ROCK1: variants seen among roughly 807,000 people sequenced by gnomAD.
The protein encoded by ROCK1 is rho-associated protein kinase 1.
Under a neutral mutation model 196.8 loss-of-function variants are expected in ROCK1, and 36 were observed. That is an observed-to-expected ratio of 0.18 (90% CI 0.14 to 0.24). The LOEUF (loss-of-function observed/expected upper bound fraction) is 0.24, where lower values mean the gene tolerates loss of function less well. Among genes scored for constraint, ROCK1 ranks in the 10% least tolerant of loss-of-function variants. The pLI, the probability that ROCK1 is intolerant of heterozygous loss-of-function variation, is 1.00. For synonymous variants in ROCK1, 443 were observed against 515.9 expected, an observed-to-expected ratio of 0.86 and a Z score of 1.91; for missense variants, 920 against 1,562.0, an observed-to-expected ratio of 0.59 and a Z score of 6.93.
At chr18:21,025,589 T>C (rs1242064192) in intron 10 of ROCK1, among the ~76,000 whole-genome samples, 1 of 152,036 alleles carries the variant, frequency 6.6e-6, no homozygotes, top group Non-Finnish European at 1.5e-5. Context: ...ATACAAAGAT[T>C]AGCCAGGCAT....
At chr18:21,020,798 A>AT (rs2143463839) in intron 11 of ROCK1, among the ~76,000 whole-genome samples, 1 of 152,362 alleles carries the variant, frequency 6.6e-6, no homozygotes, top group Non-Finnish European at 1.5e-5. Context: ...ATGGAAAGAA[A>AT]TCAAGTACTA....
chr18:20,983,201 AAG>A (rs2035548864), intron 20 of ROCK1, among the ~76,000 whole-genome samples: 2 of 151,196 alleles, frequency 1.3e-5, no homozygotes, highest in South Asian at 2.1e-4. Context: ...TAAATAAAAA[AAG>A]AGGGGGGCAT....
chr18:21,028,529 T>C (rs1322925224), intron 10 of ROCK1, among the ~76,000 whole-genome samples: 5 of 152,166 alleles, frequency 3.3e-5, no homozygotes, highest in Non-Finnish European at 7.4e-5. Flanking sequence ...TTTTGACCTA[T>C]TAATTGTTGT....
intron 29 of ROCK1, among the ~76,000 whole-genome samples, chr18:20,958,923 A>T (rs1182554565): frequency 1.4e-4 from 10 of 72,384 alleles, no homozygotes; most frequent in East Asian, 4.5e-4. Flanking sequence ...TATATATTTT[A>T]TATATATATT....
chr18:21,015,934 CA>C (rs1326948731), intron 12 of ROCK1, among the ~76,000 whole-genome samples: 1 of 151,010 alleles, frequency 6.6e-6, no homozygotes, highest in African/African-American at 2.4e-5. Flanking sequence ...GAGCCGAGAT[CA>C]TGCTACTGTA....
At chr18:20,961,361 A>C (rs1229438806) in intron 27 of ROCK1, among the ~76,000 whole-genome samples, 1 of 152,184 alleles carries the variant, frequency 6.6e-6, no homozygotes, top group East Asian at 1.9e-4. Context: ...TTACTGATTT[A>C]TTTATTCATA....
At chr18:20,974,910 C>T (rs1395735683) in intron 22 of ROCK1, among the ~76,000 whole-genome samples, 1 of 152,224 alleles carries the variant, frequency 6.6e-6, no homozygotes, top group Non-Finnish European at 1.5e-5. Context: ...AAAGTGCTCT[C>T]CTTCACACTC....
chr18:21,094,279 G>A (rs1190292379), intron 1 of ROCK1, among the ~76,000 whole-genome samples: 1 of 152,116 alleles, frequency 6.6e-6, no homozygotes, highest in African/African-American at 2.4e-5. Context: ...AATGAGACTA[G>A]GTTTTCCTGA....
intron 16 of ROCK1, among the ~76,000 whole-genome samples, chr18:21,006,066 A>G (rs540944360): frequency 6.6e-6 from 1 of 152,346 alleles, no homozygotes. Flanking sequence ...TTGATAGATG[A>G]GTGGATGAAC....
In ROCK1 at chr18:20,947,263, T is replaced by C. The variant is rs1235300780; in HGVS notation, c.*4121A>G. The stretch of plus-strand genomic sequence containing the variant: ...TTACATATACTTTGGAGATAATCCA[T>C]TAGAAAACACAGCTAACTGTTAATA... On this transcript the variant is annotated 3_prime_UTR_variant, in exon 33 of 33. Transcript: ENST00000399799. 6 of 151,924 alleles carry C rather than the reference T, an allele frequency of 3.9e-5. No individual in the cohort carries two copies. The highest frequency in any genetic ancestry group is 1.3e-4 in the Admixed American group (2 of 15,230). The allele number at this position is 151,924 out of a possible 1,614,324, so 9.4% of individuals were successfully genotyped here.
At chr18:20,995,481 G>A (rs2035662967) in intron 16 of ROCK1, among the ~76,000 whole-genome samples, 1 of 152,210 alleles carries the variant, frequency 6.6e-6, no homozygotes, top group East Asian at 1.9e-4. Flanking sequence ...CACCAAGCAG[G>A]CTCTTGGGGG....
At chr18:21,078,503 C>G (rs926409025) in intron 1 of ROCK1, among the ~76,000 whole-genome samples, 2 of 151,998 alleles carry the variant, frequency 1.3e-5, no homozygotes, top group African/African-American at 4.8e-5. Flanking sequence ...AGCAGGAAAG[C>G]CCGGGGCACC....
At chr18:21,004,857 T>G (rs1038358448) in intron 16 of ROCK1, among the ~76,000 whole-genome samples, 2 of 152,196 alleles carry the variant, frequency 1.3e-5, no homozygotes, top group African/African-American at 4.8e-5. Flanking sequence ...ATCAGATCTA[T>G]TTTAAGCCTG....
intron 1 of ROCK1, among the ~76,000 whole-genome samples, chr18:21,098,129 C>T (rs1414546169): frequency 6.6e-6 from 1 of 152,138 alleles, no homozygotes; most frequent in African/African-American, 2.4e-5. Flanking sequence ...GGTGTATGTG[C>T]ATGGGAGAGC....
chr18:21,019,997 A>G (rs1171313545), intron 12 of ROCK1, among the ~76,000 whole-genome samples, 154 bp downstream of exon 12: 2 of 152,126 alleles, frequency 1.3e-5, no homozygotes, highest in Admixed American at 6.5e-5. Context: ...ACAACTTCTC[A>G]ATTCTAGCCG....
At chr18:21,065,781 TATC>T (rs1485651176) in intron 2 of ROCK1, among the ~76,000 whole-genome samples, 1 of 152,154 alleles carries the variant, frequency 6.6e-6, no homozygotes, top group Admixed American at 6.5e-5. Context: ...ATTATTTAGG[TATC>T]ATACACCAGA....
chr18:21,054,714 A>G (rs1219113769), intron 2 of ROCK1, among the ~76,000 whole-genome samples: 1 of 152,086 alleles, frequency 6.6e-6, no homozygotes, highest in African/African-American at 2.4e-5. Flanking sequence ...ATTCTTAATA[A>G]CTTTAATATA....
At chr18:21,045,108 G>A (rs769978742) in intron 5 of ROCK1, 184 bp downstream of exon 5, 12 of 410,472 alleles carry the variant, frequency 2.9e-5, no homozygotes, top group Non-Finnish European at 4.7e-5. Context: ...AGATCTGCCT[G>A]CCTCGGCCTC....
intron 27 of ROCK1, among the ~76,000 whole-genome samples, chr18:20,965,558 A>G (rs2035366836): frequency 6.6e-6 from 1 of 152,180 alleles, no homozygotes; most frequent in Admixed American, 6.5e-5. Flanking sequence ...CTACCAATTC[A>G]GTTCAACAAT....
Sources: allele counts gnomAD v4.1 joint callset (sites outside exome capture counted in the v4.1 genomes callset), GRCh38; gene constraint gnomAD v4.1.1; transcripts MANE v1.5; gene names NCBI Gene and HGNC (gene_info 2026-07-23, HGNC 2026-07-21).